Variants in HSPB1 observed in about 807,000 individuals in gnomAD.
HSPB1 encodes heat shock protein family B (small) member 1.
Under a neutral mutation model 17.0 loss-of-function variants are expected in HSPB1, and 19 were observed. That is an observed-to-expected ratio of 1.12 (90% confidence interval 0.78 to 1.64). The LOEUF (loss-of-function observed/expected upper bound fraction) is 1.64, where lower values mean the gene tolerates loss of function less well. Ranked by LOEUF, HSPB1 falls within the 40% of genes most tolerant of loss-of-function variation. The pLI, the probability that HSPB1 is intolerant of heterozygous loss-of-function variation, is 0.00. For synonymous variants in HSPB1, 165 were observed against 129.8 expected (o/e 1.27, Z -1.84); for missense variants, 348 against 289.2 (o/e 1.20, Z -1.47).
rs988213327 is a variant in HSPB1, at chr7:76,303,970, C to T, written c.429-14C>T. ...GTGTAATGTAACGCTTGCCTTTCCT[C>T]TCTGCACGTCCAGGCTGCCCCCCGG... On this transcript the variant is annotated splice_polypyrimidine_tract_variant and intron_variant, in intron 2 of 2. Coordinates refer to ENST00000248553, the MANE Select transcript of HSPB1 (RefSeq NM_001540.5). 6 of 1,613,490 alleles carry T rather than the reference C, an allele frequency of 3.7e-6. No homozygotes were observed. Among genetic ancestry groups the T allele is most frequent in the Non-Finnish European group, 5.1e-6 (6 of 1,179,894 alleles).
chr7:76,304,155 T>C lies in HSPB1; in HGVS notation c.600T>C (p.Asp200=), dbSNP rs1294222117. Residue 200 remains aspartate, a synonymous_variant, in exon 3 of 3, where the codon GAT becomes GAC. Transcript: ENST00000248553. ...GGGGCCCAGAAGCTGCAAAATCCGATGAGACTGCCGCCAAGTAAAGCCTTA... is the reference window on the plus strand; with the variant it reads ...GGGGCCCAGAAGCTGCAAAATCCGACGAGACTGCCGCCAAGTAAAGCCTTA... ...QLGGPEAAKS[D]ETAAK is the part of the protein sequence containing the mutation. 1 of 1,611,332 alleles carries C rather than the reference T, an allele frequency of 6.2e-7. No homozygotes were observed. Among genetic ancestry groups the C allele is most frequent in the East Asian group, 2.2e-5 (1 of 44,694 alleles).
Position 76,303,975 on chromosome 7 carries a change from C to G in HSPB1, c.429-9C>G. The G allele has an allele frequency of 6.2e-7, 1 of 1,613,536 alleles. No homozygotes were observed. The highest frequency in any genetic ancestry group is 8.5e-7 in the Non-Finnish European group (1 of 1,179,918). Reference sequence around the variant, plus strand: ...ATGTAACGCTTGCCTTTCCTCTCTGCACGTCCAGGCTGCCCCCCGGTGTGG... The same window carrying G: ...ATGTAACGCTTGCCTTTCCTCTCTGGACGTCCAGGCTGCCCCCCGGTGTGG... On this transcript the variant is annotated splice_polypyrimidine_tract_variant and intron_variant, in intron 2 of 2. Coordinates refer to ENST00000248553, the MANE Select transcript of HSPB1 (RefSeq NM_001540.5).
At position 76,304,184 on chromosome 7, in the gene HSPB1, C is replaced by T. The variant is rs1058872; in HGVS notation, c.*11C>T. ...ACTGCCGCCAAGTAAAGCCTTAGCC[C>T]GGATGCCCACCCCTGCTGCCGCCAC... On this transcript the variant is annotated 3_prime_UTR_variant, in exon 3 of 3. Coordinates refer to ENST00000248553, the MANE Select transcript of HSPB1 (RefSeq NM_001540.5). The T allele has an allele frequency of 0.013, 20,839 of 1,604,494 alleles. 309 individuals carry two copies. Among genetic ancestry groups the T allele is most frequent in the African/African-American group, 0.059 (4,414 of 74,638 alleles).
chr7:76,302,763 C>A lies in HSPB1; in HGVS notation c.51C>A (p.Asp17Glu). ...CGCTCCTGCGGGGCCCCAGCTGGGA[C>A]CCCTTCCGCGACTGGTACCCGCATA... ...PFSLLRGPSW[D>E]PFRDWYPHSR... is the part of the protein sequence containing the mutation. The change falls in exon 1 of 3, where the codon GAC becomes GAA. Residue 17 changes from aspartate to glutamate, a missense_variant. Physicochemically the swap from Asp to Glu is conservative, Grantham distance 45. Coordinates refer to ENST00000248553, the MANE Select transcript of HSPB1 (RefSeq NM_001540.5). The A allele has an allele frequency of 6.2e-7, 1 of 1,607,514 alleles. No individual in the cohort carries two copies. Among genetic ancestry groups the A allele is most frequent in the East Asian group, 2.2e-5 (1 of 44,848 alleles).
rs1172512368 is a variant in HSPB1 at position 76,303,084 on chromosome 7, CCCCTGCTCCTGCAGGGGA to C, written c.364+9_364+26del. ...GCGTGGTGGAGATCACCGGTGAGCC[CCCCTGCTCCTGCAGGGGA>C]GAGGAGGAGGCTAGCAGGGCGGGCA... On this transcript the variant is annotated intron_variant, in intron 1 of 2. Transcript: ENST00000248553. 2.0e-6 allele frequency: 3 copies of C among 1,517,928 alleles called. No individual in the cohort carries two copies. In the Admixed American group the frequency reaches 6.0e-5, roughly 30 times the overall value. 94.0% of individuals were successfully genotyped at this position (1,517,928 alleles called of 1,614,324 possible).
In HSPB1 at chr7:76,304,269, CAAAT is replaced by C. The variant is rs537392004; in HGVS notation, c.*100_*103del. On this transcript the variant is annotated 3_prime_UTR_variant, in exon 3 of 3. Coordinates refer to ENST00000248553, the MANE Select transcript of HSPB1 (RefSeq NM_001540.5). ...TGATACATTTATCTTCTGTTTTTCT[CAAAT>C]AAAGTTCAAAGCAACCACCTGTCAC... is the stretch of plus-strand genomic sequence containing the variant. The C allele has an allele frequency of 5.7e-4, 735 of 1,296,278 alleles. 6 individuals carry two copies. The East Asian group carries it at 0.011, about 20-fold the overall frequency. 80.3% of individuals were successfully genotyped at this position (1,296,278 alleles called of 1,614,324 possible). A position where few individuals can be genotyped will look rare whatever the true frequency, so the allele number is the denominator to read the frequency against.
At chr7:76,303,949 A>G (rs995763307) in intron 2 of HSPB1, 35 bp from the exon 3 acceptor site, 3 of 1,612,318 alleles carry the variant, frequency 1.9e-6, no homozygotes, top group African/African-American at 2.7e-5. Context: ...CCCGGTGTGT[A>G]ATGTAACGCT....
chr7:76,304,203 C>G lies in HSPB1; in HGVS notation c.*30C>G. On this transcript the variant is annotated 3_prime_UTR_variant, in exon 3 of 3. Coordinates refer to ENST00000248553, the MANE Select transcript of HSPB1 (RefSeq NM_001540.5). The stretch of plus-strand genomic sequence containing the variant: ...TTAGCCCGGATGCCCACCCCTGCTG[C>G]CGCCACTGGCTGTGCCTCCCCCGCC... 1 of 1,584,748 alleles carries G rather than the reference C, an allele frequency of 6.3e-7. No individual in the cohort carries two copies. Among genetic ancestry groups the G allele is most frequent in the Non-Finnish European group, 8.6e-7 (1 of 1,161,906 alleles).
rs1319575347 is a variant in HSPB1 at position 76,304,166 on chromosome 7, C to T, written c.611C>T (p.Ala204Val). The change falls in exon 3 of 3, where the codon GCC becomes GTC. Residue 204 changes from alanine (A) to valine (V), a missense_variant. Ala to Val is a moderately conservative substitution (Grantham distance 64). Coordinates refer to ENST00000248553, the MANE Select transcript of HSPB1 (RefSeq NM_001540.5). Reference sequence around the variant, plus strand: ...GCTGCAAAATCCGATGAGACTGCCGCCAAGTAAAGCCTTAGCCCGGATGCC... The same window carrying T: ...GCTGCAAAATCCGATGAGACTGCCGTCAAGTAAAGCCTTAGCCCGGATGCC... ...PEAAKSDETA[A>V]K is the part of the protein sequence containing the mutation. The T allele has an allele frequency of 6.2e-7, 1 of 1,610,012 alleles. No individual in the cohort carries two copies. Among genetic ancestry groups the T allele is most frequent in the African/African-American group, 1.3e-5 (1 of 74,874 alleles).
At chr7:76,303,464 A>G in intron 1 of HSPB1, 1 of 514,768 alleles carries the variant, frequency 1.9e-6, no homozygotes, top group Non-Finnish European at 3.5e-6. Context: ...TCCCCTTCCC[A>G]CCCACAGCCC....
At chr7:76,303,315 G>A (rs1353871321) in intron 1 of HSPB1, 3 of 563,858 alleles carry the variant, frequency 5.3e-6, no homozygotes, top group Non-Finnish European at 9.3e-6. Flanking sequence ...ATCGCTTGAG[G>A]CCAGGAGTTC....
intron 1 of HSPB1, chr7:76,303,476 A>C (rs2117160064): frequency 1.9e-6 from 1 of 528,330 alleles, no homozygotes; most frequent in Non-Finnish European, 3.4e-6. Flanking sequence ...CCACAGCCCC[A>C]TCCCCAGATA....
Position 76,302,696 on chromosome 7 carries a change from G to C in HSPB1, c.-17G>C, listed in dbSNP as rs753126998. 3.8e-6 allele frequency: 6 copies of C among 1,599,146 alleles called. No individual in the cohort carries two copies. The highest frequency in any genetic ancestry group is 1.7e-6 in the Non-Finnish European group (2 of 1,179,848). ...CCGCACTTTTCTGAGCAGACGTCCAGAGCAGAGTCAGCCAGCATGACCGAG... is the reference window on the plus strand; with the variant it reads ...CCGCACTTTTCTGAGCAGACGTCCACAGCAGAGTCAGCCAGCATGACCGAG... On this transcript the variant is annotated 5_prime_UTR_variant, in exon 1 of 3. Transcript: ENST00000248553.
At position 76,303,707 on chromosome 7, in the gene HSPB1, C is replaced by T. The variant is rs969506969; in HGVS notation, c.365-95C>T. 3.9e-5 allele frequency: 41 copies of T among 1,055,600 alleles called. 1 individual carries two copies. The highest frequency in any genetic ancestry group is 2.9e-4 in the Middle Eastern group (1 of 3,400). 65.4% of individuals were successfully genotyped at this position (1,055,600 alleles called of 1,614,324 possible). A position where few individuals can be genotyped will look rare whatever the true frequency, so the allele number is the denominator to read the frequency against. On this transcript the variant is annotated intron_variant, in intron 1 of 2. Coordinates refer to ENST00000248553, the MANE Select transcript of HSPB1 (RefSeq NM_001540.5). Reference sequence around the variant, plus strand: ...TGTTAATCCCTACCAGCCTGCAGTCCTGGCTGCTTCCAAGCAGGAGGTGGG... The same window carrying T: ...TGTTAATCCCTACCAGCCTGCAGTCTTGGCTGCTTCCAAGCAGGAGGTGGG...
chr7:76,302,851 G>A lies in HSPB1; in HGVS notation c.139G>A (p.Gly47Ser), dbSNP rs778311776. Residue 47 changes from glycine (G) to serine (S), a missense_variant, in exon 1 of 3, where the codon GGC becomes AGC. Physicochemically the swap from Gly to Ser is moderately conservative, Grantham distance 56. Transcript: ENST00000248553. ...RLPEEWSQWL[G>S]GSSWPGYVRP... ...GCCGGAGGAGTGGTCGCAGTGGTTA[G>A]GCGGCAGCAGCTGGCCAGGCTACGT... is the stretch of plus-strand genomic sequence containing the variant. 3.8e-6 allele frequency: 6 copies of A among 1,595,000 alleles called. No individual in the cohort carries two copies. The highest frequency in any genetic ancestry group is 3.4e-5 in the Admixed American group (2 of 58,276).
intron 1 of HSPB1, 120 bp from the exon 2 acceptor site, chr7:76,303,682 T>A: frequency 1.3e-6 from 1 of 743,300 alleles, no homozygotes; most frequent in Non-Finnish European, 2.4e-6. Context: ...CAACCCCCTC[T>A]GTTAATCCCT....
In HSPB1 at chr7:76,303,092, C is replaced by T; in HGVS notation, c.364+16C>T. 1 of 1,511,580 alleles carries T rather than the reference C, an allele frequency of 6.6e-7. No homozygotes were observed. Among genetic ancestry groups the T allele is most frequent in the East Asian group, 2.4e-5 (1 of 40,952 alleles). 93.6% of individuals were successfully genotyped at this position (1,511,580 alleles called of 1,614,324 possible). ...GAGATCACCGGTGAGCCCCCCTGCT[C>T]CTGCAGGGGAGAGGAGGAGGCTAGC... On this transcript the variant is annotated intron_variant, in intron 1 of 2. Coordinates refer to ENST00000248553, the MANE Select transcript of HSPB1 (RefSeq NM_001540.5).
rs1404212306 is a variant in HSPB1 at position 76,302,861 on chromosome 7, G to A, written c.149G>A (p.Ser50Asn). ...EEWSQWLGGS[S>N]WPGYVRPLPP... ...TGGTCGCAGTGGTTAGGCGGCAGCA[G>A]CTGGCCAGGCTACGTGCGCCCCCTG... is the stretch of plus-strand genomic sequence containing the variant. Residue 50 changes from serine (S) to asparagine (N), a missense_variant, in exon 1 of 3, where the codon AGC becomes AAC. By Grantham distance (46) the Ser-to-Asn change is conservative. Coordinates refer to ENST00000248553, the MANE Select transcript of HSPB1 (RefSeq NM_001540.5). 6.3e-7 allele frequency: 1 copy of A among 1,587,172 alleles called. No homozygotes were observed. Among genetic ancestry groups the A allele is most frequent in the Non-Finnish European group, 8.5e-7 (1 of 1,171,466 alleles).
chr7:76,302,678 T>C lies in HSPB1; in HGVS notation c.-35T>C, dbSNP rs772889325. Reference sequence around the variant, plus strand: ...GCAGCCGAGCCCAGCGCCCCGCACTTTTCTGAGCAGACGTCCAGAGCAGAG... The same window carrying C: ...GCAGCCGAGCCCAGCGCCCCGCACTCTTCTGAGCAGACGTCCAGAGCAGAG... On this transcript the variant is annotated 5_prime_UTR_variant, in exon 1 of 3. Coordinates refer to ENST00000248553, the MANE Select transcript of HSPB1 (RefSeq NM_001540.5). 56 of 1,597,142 alleles carry C rather than the reference T, an allele frequency of 3.5e-5. No individual in the cohort carries two copies. Among genetic ancestry groups the C allele is most frequent in the Non-Finnish European group, 4.3e-5 (51 of 1,179,788 alleles).
Sources: allele counts gnomAD v4.1 joint callset, GRCh38; gene constraint gnomAD v4.1.1; transcripts MANE v1.5; gene names NCBI Gene and HGNC (gene_info 2026-07-23, HGNC 2026-07-21).